MALRD1: variants seen among roughly 807,000 people sequenced by gnomAD.
MALRD1 encodes the protein MAM and LDL-receptor class A domain-containing protein 1.
A neutral mutation model predicts 242.1 loss-of-function variants in MALRD1; 247 were observed. The observed-to-expected ratio is 1.02, with a 90% CI of 0.92 to 1.13. The LOEUF (loss-of-function observed/expected upper bound fraction) is 1.13, where lower values mean the gene tolerates loss of function less well. Ranked by LOEUF, MALRD1 falls within the 50% of genes most tolerant of loss-of-function variation. The pLI is 0.00. For synonymous variants in MALRD1, 995 were observed against 866.6 expected, an observed-to-expected ratio of 1.15 and a Z score of -2.60; for missense variants, 2,989 against 2,533.1, an observed-to-expected ratio of 1.18 and a Z score of -3.86.
intron 38 of MALRD1, among the ~76,000 whole-genome samples, chr10:19,717,051 T>C (rs140663424): frequency 1.6e-4 from 25 of 152,374 alleles, no homozygotes; most frequent in African/African-American, 6.0e-4. Flanking sequence ...CAGCAATAGA[T>C]ACTATCAGGT....
intron 2 of MALRD1, among the ~76,000 whole-genome samples, chr10:19,087,153 A>C (rs545945902): frequency 4.6e-5 from 7 of 152,132 alleles, no homozygotes; most frequent in Non-Finnish European, 1.0e-4. Flanking sequence ...CTGGAACTTA[A>C]AATGGTGGTG....
intron 2 of MALRD1, among the ~76,000 whole-genome samples, chr10:19,075,443 T>C (rs1835287626): frequency 6.6e-6 from 1 of 151,984 alleles, no homozygotes; most frequent in Non-Finnish European, 1.5e-5. Context: ...AAGGCAAGAT[T>C]AGAGAGATTT....
chr10:19,696,009 A>C (rs372389616), intron 38 of MALRD1, among the ~76,000 whole-genome samples: 1 of 152,218 alleles, frequency 6.6e-6, no homozygotes, highest in Non-Finnish European at 1.5e-5. Flanking sequence ...TTACAATTTA[A>C]GGTGAGATTT....
chr10:19,687,632 A>G (rs921010688), intron 36 of MALRD1, among the ~76,000 whole-genome samples: 1 of 152,210 alleles, frequency 6.6e-6, no homozygotes, highest in East Asian at 1.9e-4. Flanking sequence ...ACTTAAAAAC[A>G]AATACTTGCT....
chr10:19,528,111 C>T (rs1834183390), intron 31 of MALRD1, among the ~76,000 whole-genome samples: 1 of 151,996 alleles, frequency 6.6e-6, no homozygotes, highest in Non-Finnish European at 1.5e-5. Flanking sequence ...TTTTCTGTGG[C>T]ATTAAGTACT....
chr10:19,703,645 A>C (rs1833719287), intron 38 of MALRD1, among the ~76,000 whole-genome samples: 1 of 152,252 alleles, frequency 6.6e-6, no homozygotes, highest in Non-Finnish European at 1.5e-5. Flanking sequence ...TGGTAATCCC[A>C]GCATTTTGGG....
At chr10:19,262,925 G>C (rs1839817865) in intron 19 of MALRD1, among the ~76,000 whole-genome samples, 1 of 152,112 alleles carries the variant, frequency 6.6e-6, no homozygotes, top group South Asian at 2.1e-4. Flanking sequence ...TAGTGTAATG[G>C]ACATGGCATT....
At chr10:19,627,890 CAG>C (rs895875320) in intron 36 of MALRD1, among the ~76,000 whole-genome samples, 1 of 149,926 alleles carries the variant, frequency 6.7e-6, no homozygotes, top group Admixed American at 6.6e-5. Context: ...AATTATGTAA[CAG>C]ATAAACTAGA....
At chr10:19,628,746 A>G (rs1839786145) in intron 36 of MALRD1, among the ~76,000 whole-genome samples, 3 of 152,168 alleles carry the variant, frequency 2.0e-5, no homozygotes. Flanking sequence ...TTGAAAACAT[A>G]TGTTGCTAAT....
At chr10:19,683,440 T>A (rs1457923703) in intron 36 of MALRD1, among the ~76,000 whole-genome samples, 1 of 152,216 alleles carries the variant, frequency 6.6e-6, no homozygotes, top group African/African-American at 2.4e-5. Context: ...TTAATTCTCA[T>A]ACACATTCTG....
At chr10:19,328,654 A>T (rs1041359364) in intron 23 of MALRD1, among the ~76,000 whole-genome samples, 2 of 152,140 alleles carry the variant, frequency 1.3e-5, no homozygotes, top group African/African-American at 4.8e-5. Context: ...AAAAGCACTG[A>T]AAAGTGTTAC....
At chr10:19,052,966 G>A (rs1324520009) in intron 1 of MALRD1, among the ~76,000 whole-genome samples, 1 of 151,978 alleles carries the variant, frequency 6.6e-6, no homozygotes, top group East Asian at 1.9e-4. Context: ...CCTTGCTTAG[G>A]CCAGAAGCCG....
chr10:19,444,219 G>A (rs913391203), intron 28 of MALRD1, among the ~76,000 whole-genome samples: 3 of 151,958 alleles, frequency 2.0e-5, no homozygotes, highest in Admixed American at 2.0e-4. Flanking sequence ...CATAAGATGG[G>A]TCTCCTCAAT....
intron 32 of MALRD1, among the ~76,000 whole-genome samples, chr10:19,546,455 G>A (rs1482162042): frequency 6.6e-6 from 1 of 152,154 alleles, no homozygotes; most frequent in Non-Finnish European, 1.5e-5. Flanking sequence ...CTCCATTTCA[G>A]CAATATTTAC....
intron 5 of MALRD1, among the ~76,000 whole-genome samples, chr10:19,110,912 G>A (rs1418270177): frequency 6.6e-6 from 1 of 152,166 alleles, no homozygotes; most frequent in African/African-American, 2.4e-5. Flanking sequence ...CTATTGGCTG[G>A]ACTTTCCTAC....
intron 29 of MALRD1, among the ~76,000 whole-genome samples, chr10:19,462,450 A>T (rs1835994937): frequency 6.6e-6 from 1 of 152,240 alleles, no homozygotes; most frequent in Non-Finnish European, 1.5e-5. Context: ...CTCCGGATCA[A>T]TCCGAGTGTT....
chr10:19,086,391 G>A (rs568640015), intron 2 of MALRD1, among the ~76,000 whole-genome samples: 8 of 152,112 alleles, frequency 5.3e-5, no homozygotes, highest in Non-Finnish European at 1.0e-4. Flanking sequence ...ACAAAGAGAA[G>A]CACATGAAAT....
At chr10:19,306,539 G>C (rs1842216327) in intron 21 of MALRD1, among the ~76,000 whole-genome samples, 1 of 147,194 alleles carries the variant, frequency 6.8e-6, no homozygotes, top group East Asian at 2.0e-4. Flanking sequence ...TATATACTGT[G>C]TATAGTATAT....
At chr10:19,691,023 A>G (rs556394967) in intron 36 of MALRD1, among the ~76,000 whole-genome samples, 4 of 152,096 alleles carry the variant, frequency 2.6e-5, no homozygotes, top group Non-Finnish European at 5.9e-5. Flanking sequence ...GAATTGAATT[A>G]ACTCAGAGTG....
Sources: gnomAD v4.1 joint callset for allele counts (sites outside exome capture counted in the v4.1 genomes callset) on GRCh38, gnomAD v4.1.1 for gene constraint, MANE v1.5 for transcripts, NCBI Gene and HGNC (gene_info 2026-07-23, HGNC 2026-07-21) for gene names.